The following TOM1L2 variants were observed in gnomAD, a reference collection of about 807,000 sequenced individuals.
The protein encoded by TOM1L2 is target of myb1 like 2 membrane trafficking protein.
TOM1L2 carries 31 observed loss-of-function variants against 67.9 expected under a neutral mutation model. The observed-to-expected ratio is 0.46, with a 90% CI of 0.34 to 0.62. The LOEUF is 0.62. Ranked by LOEUF, TOM1L2 falls within the 20% of genes least tolerant of loss-of-function variation. The pLI, the probability that TOM1L2 is intolerant of heterozygous loss-of-function variation, is 0.01. For missense variants in TOM1L2, 606 were observed against 663.5 expected (o/e 0.91, Z 0.95); for synonymous variants, 256 against 254.0 (o/e 1.01, Z -0.07).
chr17:17,953,765 A>G (rs1022051182), intron 1 of TOM1L2, among the ~76,000 whole-genome samples: 6 of 152,240 alleles, frequency 3.9e-5, no homozygotes, highest in African/African-American at 1.4e-4. Context: ...ATTCTGAGAA[A>G]GTCACAACAC....
intron 2 of TOM1L2, among the ~76,000 whole-genome samples, chr17:17,900,538 AAGAG>A (rs1310417110): frequency 6.6e-6 from 1 of 151,430 alleles, no homozygotes; most frequent in Non-Finnish European, 1.5e-5. Flanking sequence ...AAAAAAAAAA[AAGAG>A]AGAAAGAAAG....
chr17:17,925,022 C>T (rs1169875794), intron 1 of TOM1L2, among the ~76,000 whole-genome samples: 1 of 152,112 alleles, frequency 6.6e-6, no homozygotes, highest in Non-Finnish European at 1.5e-5. Flanking sequence ...ACTCCCTCCT[C>T]CACTCTCTCT....
At position 17,953,124 on chromosome 17, in the gene TOM1L2, T is replaced by C. The variant is rs565418791; in HGVS notation, c.52+19138A>G. 7.9e-5 allele frequency among the ~76,000 whole-genome samples: 12 copies of C among 151,790 alleles called. No homozygotes were observed. The East Asian group carries it at 1.7e-3, about 22-fold the overall frequency. ...CGAAACCCCATCTCTACAAAAAAAATACAAAAATTAGCCAGGCGTGGTGGT... is the reference window on the plus strand; with the variant it reads ...CGAAACCCCATCTCTACAAAAAAAACACAAAAATTAGCCAGGCGTGGTGGT... On this transcript the variant is annotated intron_variant, in intron 1 of 14. Transcript: ENST00000379504.
At chr17:17,884,891 C>A in intron 4 of TOM1L2, 123 bp from the exon 5 acceptor site, 5 of 1,267,536 alleles carry the variant, frequency 3.9e-6, no homozygotes, top group Non-Finnish European at 5.5e-6. Context: ...GCAAATTGCA[C>A]TGGCTAAACC....
rs1425109791 is a variant in TOM1L2 at position 17,869,495 on chromosome 17, G to A, written c.778-22C>T. Reference sequence around the variant, plus strand: ...GCTCCTAGGGAACACATGCACCTCTGGGTAGCCTGCTGGGTGTGCTTTTCG... The same window carrying A: ...GCTCCTAGGGAACACATGCACCTCTAGGTAGCCTGCTGGGTGTGCTTTTCG... On this transcript the variant is annotated intron_variant, in intron 7 of 14. Coordinates refer to ENST00000379504, the MANE Select transcript of TOM1L2 (RefSeq NM_001082968.2). 6 of 1,576,700 alleles carry A rather than the reference G, an allele frequency of 3.8e-6. No homozygotes were observed. In the East Asian group the frequency reaches 1.4e-4, roughly 36 times the overall value.
At chr17:17,877,983 C>T (rs1307391329) in intron 7 of TOM1L2, among the ~76,000 whole-genome samples, 1 of 152,160 alleles carries the variant, frequency 6.6e-6, no homozygotes, top group Non-Finnish European at 1.5e-5. Flanking sequence ...TTGTTCAACA[C>T]ACCCCCTGCT....
intron 1 of TOM1L2, among the ~76,000 whole-genome samples, chr17:17,914,668 A>C (rs2039553544): frequency 1.3e-5 from 2 of 152,178 alleles, no homozygotes; most frequent in Admixed American, 6.5e-5. Flanking sequence ...GACTTTGGTT[A>C]AGATTGCTCC....
chr17:17,904,816 C>T (rs1216416559), intron 2 of TOM1L2, among the ~76,000 whole-genome samples: 1 of 151,944 alleles, frequency 6.6e-6, no homozygotes, highest in East Asian at 1.9e-4. Context: ...CCCTTGGCTA[C>T]GGGACACATT....
intron 12 of TOM1L2, 115 bp downstream of exon 12, chr17:17,861,361 G>T: frequency 1.0e-6 from 1 of 967,436 alleles, no homozygotes; most frequent in South Asian, 1.5e-5. Context: ...CTCCCCCAGG[G>T]TGTCCCTGCC....
intron 1 of TOM1L2, among the ~76,000 whole-genome samples, chr17:17,940,758 G>C (rs16960767): frequency 6.6e-6 from 1 of 152,188 alleles, no homozygotes; most frequent in Non-Finnish European, 1.5e-5. Flanking sequence ...GGGTTTCAAA[G>C]GGAACAGTTT....
chr17:17,953,075 T>C (rs1306571896), intron 1 of TOM1L2, among the ~76,000 whole-genome samples: 1 of 151,138 alleles, frequency 6.6e-6, no homozygotes, highest in Non-Finnish European at 1.5e-5. Context: ...AGGCCAGGAG[T>C]TTGAGACCGC....
chr17:17,892,243 G>A (rs904093474), intron 4 of TOM1L2, among the ~76,000 whole-genome samples: 2 of 152,152 alleles, frequency 1.3e-5, no homozygotes, highest in African/African-American at 2.4e-5. Context: ...CTCTCCAGCT[G>A]CACACCTGAC....
intron 12 of TOM1L2, chr17:17,857,705 T>G: frequency 8.8e-4 from 1,197 of 1,362,868 alleles, no homozygotes; most frequent in Non-Finnish European, 1.1e-3. Flanking sequence ...GAGGAAGACA[T>G]GAGCTGTTAC....
chr17:17,847,721 G>GC lies in TOM1L2; in HGVS notation c.1437dup (p.Pro480AlafsTer130), dbSNP rs1336137382. 6.2e-7 allele frequency: 1 copy of GC among 1,614,084 alleles called. No individual in the cohort carries two copies. Among genetic ancestry groups the GC allele is most frequent in the Non-Finnish European group, 8.5e-7 (1 of 1,180,014 alleles). On this transcript the variant is annotated frameshift_variant, in exon 15 of 15. Coordinates refer to ENST00000379504, the MANE Select transcript of TOM1L2 (RefSeq NM_001082968.2). LOFTEE classifies it high-confidence loss of function. ...GCTGGGGCAGGAGCCTCCATGGGGG[G>GC]CGAGGGGAGGTCGGGAACCATTTCA...
chr17:17,871,486 A>G (rs1030451087), intron 7 of TOM1L2, among the ~76,000 whole-genome samples: 2 of 152,208 alleles, frequency 1.3e-5, no homozygotes, highest in Non-Finnish European at 1.5e-5. Context: ...CTTGGCCAAC[A>G]TGGTAAAACC....
At chr17:17,938,108 G>A (rs189623076) in intron 1 of TOM1L2, among the ~76,000 whole-genome samples, 94 of 152,300 alleles carry the variant, frequency 6.2e-4, no homozygotes, top group African/African-American at 2.1e-3. Context: ...CTCACCCAGC[G>A]TGGTGCAATG....
chr17:17,852,086 C>CA (rs1461483190), intron 12 of TOM1L2, among the ~76,000 whole-genome samples: 1 of 148,874 alleles, frequency 6.7e-6, no homozygotes, highest in Non-Finnish European at 1.5e-5. Context: ...GGCTCACTTG[C>CA]AAGACCCCTA....
At chr17:17,860,857 C>G (rs1427833244) in intron 12 of TOM1L2, among the ~76,000 whole-genome samples, 1 of 152,370 alleles carries the variant, frequency 6.6e-6, no homozygotes, top group South Asian at 2.1e-4. Context: ...ACCATTCCCT[C>G]CACTTCACTG....
intron 1 of TOM1L2, among the ~76,000 whole-genome samples, chr17:17,908,138 G>A (rs187717027): frequency 1.9e-4 from 29 of 152,330 alleles, no homozygotes; most frequent in Non-Finnish European, 3.8e-4. Context: ...TAGGTGTGGT[G>A]TTGGGTGTTT....
Sources: gnomAD v4.1 joint callset for allele counts (sites outside exome capture counted in the v4.1 genomes callset) on GRCh38, gnomAD v4.1.1 for gene constraint, MANE v1.5 for transcripts, NCBI Gene and HGNC (gene_info 2026-07-23, HGNC 2026-07-21) for gene names.